The following CES5A variants were observed in gnomAD, a reference collection of about 807,000 sequenced individuals.
The protein encoded by CES5A is carboxylesterase 5A.
Under a neutral mutation model 62.9 loss-of-function variants are expected in CES5A, and 67 were observed. That is an observed-to-expected ratio of 1.07 (90% confidence interval 0.88 to 1.31). The LOEUF (loss-of-function observed/expected upper bound fraction) is 1.31. Ranked by LOEUF, CES5A falls within the 50% of genes most tolerant of loss-of-function variation. The probability of loss-of-function intolerance (pLI) is 0.00; values close to 1 mark genes in which losing one functional copy is unlikely to be tolerated. For missense variants in CES5A, 748 were observed against 708.5 expected (o/e 1.06, Z -0.63); for synonymous variants, 296 against 280.8 (o/e 1.05, Z -0.54).
chr16:55,916,562 A>G (rs1378128883), intron 1 of CES5A, among the ~76,000 whole-genome samples: 2 of 152,140 alleles, frequency 1.3e-5, no homozygotes, highest in Admixed American at 1.3e-4. Context: ...ATTAACCCAA[A>G]TAGGATTTAA....
intron 2 of CES5A, among the ~76,000 whole-genome samples, chr16:55,940,464 A>G (rs186634384): frequency 0.012 from 1,751 of 152,142 alleles, 55 homozygotes; most frequent in East Asian, 0.098. Context: ...ACCACAAAAA[A>G]CAAAACTCAT....
At chr16:55,936,099 G>T (rs2034371683) in intron 2 of CES5A, among the ~76,000 whole-genome samples, 1 of 152,034 alleles carries the variant, frequency 6.6e-6, no homozygotes, top group Admixed American at 6.5e-5. Flanking sequence ...TCTCTGATGT[G>T]GTGCTTCAAC....
chr16:55,899,260 T>C lies in CES5A; in HGVS notation c.-255-25223A>G, dbSNP rs1416398385. ...CAGAATGGACAGGTCCCTTTCAGGA[T>C]AGATACAGGAGTCAAGAGCTTGCAC... On this transcript the variant is annotated intron_variant, in intron 1 of 12. Transcript: ENST00000518005. Among the ~76,000 whole-genome samples, 3 of 152,238 alleles carry C rather than the reference T, an allele frequency of 2.0e-5. No individual in the cohort carries two copies. In the East Asian group the frequency reaches 5.8e-4, roughly 29 times the overall value.
intron 2 of CES5A, among the ~76,000 whole-genome samples, chr16:55,933,803 A>C (rs1045234408): frequency 5.9e-5 from 9 of 152,202 alleles, no homozygotes. Flanking sequence ...TATAATGTAA[A>C]ACAGAATAGG....
At chr16:55,866,710 C>T (rs1398340453) in intron 4 of CES5A, among the ~76,000 whole-genome samples, 4 of 146,740 alleles carry the variant, frequency 2.7e-5, no homozygotes, top group African/African-American at 7.4e-5. Flanking sequence ...CGGTGGCAGG[C>T]GCCTGTAGTC....
At chr16:55,952,315 T>C (rs1480549479) in intron 1 of CES5A, among the ~76,000 whole-genome samples, 1 of 151,668 alleles carries the variant, frequency 6.6e-6, no homozygotes, top group African/African-American at 2.4e-5. Flanking sequence ...TTCTTAGAAA[T>C]GAGGAAAAAA....
intron 1 of CES5A, among the ~76,000 whole-genome samples, chr16:55,922,075 T>C (rs1381529874): frequency 2.6e-5 from 4 of 151,854 alleles, no homozygotes; most frequent in Non-Finnish European, 5.9e-5. Flanking sequence ...AATTAAAACA[T>C]ACTACCAGAG....
chr16:55,915,682 CCTT>C (rs2034141646), intron 1 of CES5A, among the ~76,000 whole-genome samples: 1 of 152,148 alleles, frequency 6.6e-6, no homozygotes, highest in East Asian at 1.9e-4. Context: ...CTTGGGCCCT[CCTT>C]CTCTCTCTCC....
At chr16:55,854,539 T>C (rs1183739027) in intron 9 of CES5A, among the ~76,000 whole-genome samples, 1 of 82,284 alleles carries the variant, frequency 1.2e-5, no homozygotes, top group East Asian at 3.9e-4. Flanking sequence ...TTCTTTTTTT[T>C]TTTTCTTTTT....
At chr16:55,849,820 G>C (rs746006159) in intron 10 of CES5A, 47 bp from the exon 11 acceptor site, 2 of 1,595,290 alleles carry the variant, frequency 1.3e-6, no homozygotes, top group East Asian at 2.2e-5. Flanking sequence ...GCGCGGAGCA[G>C]GGGGCTGGCT....
At chr16:55,900,730 A>G (rs2033981982) in intron 1 of CES5A, among the ~76,000 whole-genome samples, 1 of 152,038 alleles carries the variant, frequency 6.6e-6, no homozygotes, top group East Asian at 1.9e-4. Context: ...GCTTGCTCTC[A>G]CTCTGCAGCC....
intron 3 of CES5A, among the ~76,000 whole-genome samples, chr16:55,870,073 C>A (rs1302177334): frequency 6.6e-6 from 1 of 152,206 alleles, no homozygotes; most frequent in Non-Finnish European, 1.5e-5. Flanking sequence ...AATTCTGCAT[C>A]TAAAGCTCAT....
intron 1 of CES5A, among the ~76,000 whole-genome samples, chr16:55,874,904 C>G (rs1439901831): frequency 1.3e-5 from 2 of 152,214 alleles, no homozygotes; most frequent in African/African-American, 4.8e-5. Context: ...TGGAGCCCCT[C>G]TAAACCCCTT....
chr16:55,912,770 G>T (rs2034108233), intron 1 of CES5A, among the ~76,000 whole-genome samples: 1 of 152,180 alleles, frequency 6.6e-6, no homozygotes, highest in African/African-American at 2.4e-5. Context: ...CAGACTCACA[G>T]ACGCCTAGAA....
intron 2 of CES5A, among the ~76,000 whole-genome samples, chr16:55,947,949 A>G (rs1189674080): frequency 6.6e-6 from 1 of 152,144 alleles, no homozygotes; most frequent in Non-Finnish European, 1.5e-5. Context: ...CCAAGGAGAC[A>G]CACGAATGGA....
chr16:55,947,293 T>C (rs914881268), intron 2 of CES5A, among the ~76,000 whole-genome samples: 4 of 152,144 alleles, frequency 2.6e-5, no homozygotes, highest in Non-Finnish European at 4.4e-5. Flanking sequence ...AGCTTCCTGA[T>C]AGCCTGATAC....
At chr16:55,858,275 T>C (rs1448466502) in intron 8 of CES5A, among the ~76,000 whole-genome samples, 1 of 152,202 alleles carries the variant, frequency 6.6e-6, no homozygotes, top group Non-Finnish European at 1.5e-5. Flanking sequence ...GTCTCCTTAC[T>C]AGCCAGGAGA....
At chr16:55,882,668 A>AGGG (rs2033774069) in intron 1 of CES5A, among the ~76,000 whole-genome samples, 2 of 152,228 alleles carry the variant, frequency 1.3e-5, no homozygotes, top group Non-Finnish European at 2.9e-5. Context: ...GCCTTCACAT[A>AGGG]CCAAGGAGAC....
At chr16:55,944,332 A>G (rs1187125592) in intron 2 of CES5A, 4 of 556,734 alleles carry the variant, frequency 7.2e-6, no homozygotes, top group Non-Finnish European at 1.3e-5. Flanking sequence ...AGGTAAGAAC[A>G]TGCTTTGAAC....
Sources: gnomAD v4.1 joint callset for allele counts (sites outside exome capture counted in the v4.1 genomes callset) on GRCh38, gnomAD v4.1.1 for gene constraint, MANE v1.5 for transcripts, NCBI Gene and HGNC (gene_info 2026-07-23, HGNC 2026-07-21) for gene names.